Variants in RALYL observed in about 807,000 individuals in gnomAD.
RALYL encodes RNA-binding Raly-like protein.
In RALYL, 29 loss-of-function variants were observed where a neutral mutation model predicts 35.1. The ratio of observed to expected loss-of-function variants is 0.83; its 90% CI spans 0.61 to 1.13. The LOEUF (loss-of-function observed/expected upper bound fraction) is 1.13, where lower values mean the gene tolerates loss of function less well. RALYL is among the 50% of genes most tolerant of loss of function. The pLI, the probability that RALYL is intolerant of heterozygous loss-of-function variation, is 0.00. For synonymous variants in RALYL, 120 were observed against 127.6 expected, an observed-to-expected ratio of 0.94 and a Z score of 0.40; for missense variants, 359 against 360.4, an observed-to-expected ratio of 1.00 and a Z score of 0.03.
intron 2 of RALYL, among the ~76,000 whole-genome samples, chr8:84,565,537 A>G (rs1233791788): frequency 6.6e-6 from 1 of 151,576 alleles, no homozygotes; most frequent in Non-Finnish European, 1.5e-5. Context: ...GGGATTACTG[A>G]GGGTTGAAAA....
At chr8:84,574,241 G>A (rs897351794) in intron 2 of RALYL, among the ~76,000 whole-genome samples, 1 of 151,794 alleles carries the variant, frequency 6.6e-6, no homozygotes, top group Non-Finnish European at 1.5e-5. Flanking sequence ...TTAATTCCTT[G>A]GTTGTTCAAA....
chr8:84,735,841 A>AGAGAGAGAGAGAGAAC (rs1180314583), intron 2 of RALYL, among the ~76,000 whole-genome samples: 2 of 150,414 alleles, frequency 1.3e-5, no homozygotes, highest in African/African-American at 5.0e-5. Context: ...AGAGAGAGAG[A>AGAGAGAGAGAGAGAAC]GAGAGAGAAC....
In RALYL at chr8:84,398,710, C is replaced by T. The variant is rs146129138; in HGVS notation, c.-23-130589C>T. On this transcript the variant is annotated intron_variant, in intron 1 of 8. Transcript: ENST00000521268. Reference sequence around the variant, plus strand: ...CCAATCCAGGCCAGTGCAGTGGCTCCCACCTGTAATCCCATCACTTTGGAA... The same window carrying T: ...CCAATCCAGGCCAGTGCAGTGGCTCTCACCTGTAATCCCATCACTTTGGAA... 4.5e-3 allele frequency among the ~76,000 whole-genome samples: 683 copies of T among 152,166 alleles called. 5 individuals carry two copies. The highest frequency in any genetic ancestry group is 0.016 in the African/African-American group (650 of 41,526).
intron 1 of RALYL, among the ~76,000 whole-genome samples, chr8:84,188,203 C>A (rs115600484): frequency 6.6e-6 from 1 of 151,870 alleles, no homozygotes; most frequent in South Asian, 2.1e-4. Context: ...ATAGTTTTAT[C>A]GGCCATGAAA....
intron 1 of RALYL, among the ~76,000 whole-genome samples, chr8:84,479,452 C>A (rs1370674487): frequency 6.6e-6 from 1 of 151,974 alleles, no homozygotes; most frequent in Non-Finnish European, 1.5e-5. Flanking sequence ...CTAAAATGAC[C>A]AAAGCACGTG....
At chr8:84,367,095 A>G (rs963015040) in intron 1 of RALYL, among the ~76,000 whole-genome samples, 2 of 150,418 alleles carry the variant, frequency 1.3e-5, no homozygotes, top group East Asian at 1.9e-4. Context: ...TTTTAGAGAA[A>G]TATGTCTCAT....
intron 1 of RALYL, among the ~76,000 whole-genome samples, chr8:84,481,427 T>C (rs2133888492): frequency 6.6e-6 from 1 of 152,298 alleles, no homozygotes; most frequent in East Asian, 1.9e-4. Flanking sequence ...ATTCTTGGGC[T>C]CAGGTGATCC....
intron 8 of RALYL, among the ~76,000 whole-genome samples, chr8:84,897,507 T>C (rs1293750106): frequency 2.0e-5 from 3 of 152,314 alleles, no homozygotes; most frequent in Middle Eastern, 3.4e-3. Context: ...TATTTTTAAA[T>C]TCCATTCTTA....
chr8:84,834,481 C>T (rs1831546493), intron 4 of RALYL, among the ~76,000 whole-genome samples: 1 of 152,176 alleles, frequency 6.6e-6, no homozygotes, highest in Admixed American at 6.5e-5. Flanking sequence ...CCATGGTTAT[C>T]ACTGGGCCTC....
chr8:84,846,236 T>A (rs980031215), intron 4 of RALYL, among the ~76,000 whole-genome samples: 4 of 152,220 alleles, frequency 2.6e-5, no homozygotes, highest in African/African-American at 9.6e-5. Context: ...TGGGATAGTA[T>A]GGCCATTTTA....
At chr8:84,346,674 G>T (rs1043412351) in intron 1 of RALYL, among the ~76,000 whole-genome samples, 16 of 151,972 alleles carry the variant, frequency 1.1e-4, no homozygotes, top group Non-Finnish European at 1.8e-4. Context: ...TCGCCATGTT[G>T]GCCAGGCTGG....
chr8:84,424,407 C>T (rs2132491698), intron 1 of RALYL, among the ~76,000 whole-genome samples: 1 of 111,228 alleles, frequency 9.0e-6, no homozygotes, highest in East Asian at 2.4e-4. Flanking sequence ...CCATCAGCTC[C>T]TTTAAGCACT....
intron 1 of RALYL, among the ~76,000 whole-genome samples, chr8:84,312,653 G>A (rs1014652313): frequency 3.3e-5 from 5 of 152,234 alleles, no homozygotes; most frequent in East Asian, 1.9e-4. Flanking sequence ...TTTGGACCCC[G>A]TGTCTCACAC....
intron 1 of RALYL, among the ~76,000 whole-genome samples, chr8:84,411,703 T>G (rs1425975761): frequency 6.6e-6 from 1 of 152,040 alleles, no homozygotes; most frequent in African/African-American, 2.4e-5. Flanking sequence ...GGGCAAAGTT[T>G]CAACCATTGA....
chr8:84,218,541 G>A (rs776262462), intron 1 of RALYL, among the ~76,000 whole-genome samples: 3 of 151,878 alleles, frequency 2.0e-5, no homozygotes, highest in Non-Finnish European at 4.4e-5. Context: ...GATTACTCTG[G>A]TGCAATATTT....
At chr8:84,792,491 G>A (rs193065616) in intron 3 of RALYL, among the ~76,000 whole-genome samples, 3 of 152,322 alleles carry the variant, frequency 2.0e-5, no homozygotes, top group Admixed American at 2.0e-4. Flanking sequence ...GAGTTTACAT[G>A]GGTACAGGAT....
chr8:84,534,179 A>G (rs2059449130), intron 2 of RALYL, among the ~76,000 whole-genome samples: 1 of 152,238 alleles, frequency 6.6e-6, no homozygotes, highest in African/African-American at 2.4e-5. Flanking sequence ...CACTTCTTTC[A>G]GTTCTTTGAA....
At chr8:84,441,301 C>T (rs1387285206) in intron 1 of RALYL, among the ~76,000 whole-genome samples, 3 of 151,842 alleles carry the variant, frequency 2.0e-5, no homozygotes, top group South Asian at 2.1e-4. Flanking sequence ...AAATAAGAAA[C>T]GGTTTCTGAT....
intron 1 of RALYL, among the ~76,000 whole-genome samples, chr8:84,475,588 G>A (rs558615618): frequency 6.6e-6 from 1 of 152,126 alleles, no homozygotes; most frequent in African/African-American, 2.4e-5. Context: ...ATACACCAAA[G>A]AAAAGGGTTT....
Sources: allele counts gnomAD v4.1 joint callset (sites outside exome capture counted in the v4.1 genomes callset), GRCh38; gene constraint gnomAD v4.1.1; transcripts MANE v1.5; gene names NCBI Gene and HGNC (gene_info 2026-07-23, HGNC 2026-07-21).